Variants in BACH2 observed in about 807,000 individuals in gnomAD.
The protein encoded by BACH2 is transcription regulator protein BACH2.
In BACH2, 5 loss-of-function variants were observed where a neutral mutation model predicts 61.8. That is an observed-to-expected ratio of 0.08 (90% CI 0.04 to 0.17). The LOEUF is 0.17. Ranked by LOEUF, BACH2 falls within the 10% of genes least tolerant of loss-of-function variation. BACH2 has a pLI of 1.00. For synonymous variants in BACH2, 446 were observed against 440.1 expected (o/e 1.01, Z -0.17); for missense variants, 824 against 1,091.1 (o/e 0.76, Z 3.45).
At chr6:90,149,633 G>A (rs1784742685) in intron 4 of BACH2, among the ~76,000 whole-genome samples, 1 of 152,190 alleles carries the variant, frequency 6.6e-6, no homozygotes, top group African/African-American at 2.4e-5. Context: ...GAACTGGAAA[G>A]GCCAGCTCCC....
At chr6:89,963,812 TTCC>T (rs1774887790) in intron 6 of BACH2, among the ~76,000 whole-genome samples, 1 of 152,162 alleles carries the variant, frequency 6.6e-6, no homozygotes, top group Admixed American at 6.5e-5. Flanking sequence ...CAACCCAAAT[TTCC>T]ATTCATGAGT....
chr6:90,100,574 C>T (rs1203030352), intron 4 of BACH2, among the ~76,000 whole-genome samples: 1 of 152,104 alleles, frequency 6.6e-6, no homozygotes, highest in Admixed American at 6.5e-5. Context: ...AACATCGATG[C>T]TTCTCTGGGT....
rs187526955 is a variant in BACH2, at chr6:90,266,003, A to C, written c.-353+5846T>G. 1.9e-3 allele frequency among the ~76,000 whole-genome samples: 288 copies of C among 152,310 alleles called. 8 individuals are homozygous for C. In the South Asian group the frequency reaches 0.034, roughly 18 times the overall value. On this transcript the variant is annotated intron_variant, in intron 2 of 8. Coordinates refer to ENST00000257749, the MANE Select transcript of BACH2 (RefSeq NM_021813.4). ...AACTGAGAGATACATAACTGGACTA[A>C]GGCTGCAGAGATGGGAAATGAGCCT...
intron 3 of BACH2, among the ~76,000 whole-genome samples, chr6:90,228,632 T>C (rs1769991746): frequency 6.6e-6 from 1 of 152,012 alleles, no homozygotes; most frequent in African/African-American, 2.4e-5. Flanking sequence ...CAAGCTATTC[T>C]GGAGGCTGAG....
intron 5 of BACH2, among the ~76,000 whole-genome samples, chr6:90,088,437 G>A (rs1424339717): frequency 6.6e-6 from 1 of 152,104 alleles, no homozygotes; most frequent in Non-Finnish European, 1.5e-5. Flanking sequence ...GGCATCAACT[G>A]GGCTGGACTT....
chr6:90,259,738 A>ATC (rs1480859971), intron 2 of BACH2, among the ~76,000 whole-genome samples: 7 of 152,042 alleles, frequency 4.6e-5, no homozygotes, highest in Non-Finnish European at 5.9e-5. Context: ...TACTTCTCCA[A>ATC]TCTATTTGTG....
chr6:90,075,823 C>T (rs1781450265), intron 5 of BACH2, among the ~76,000 whole-genome samples: 1 of 152,140 alleles, frequency 6.6e-6, no homozygotes, highest in Non-Finnish European at 1.5e-5. Context: ...TCTATCCATT[C>T]AGGAGAAGAC....
chr6:90,200,185 A>G (rs1487773582), intron 4 of BACH2, among the ~76,000 whole-genome samples: 2 of 152,188 alleles, frequency 1.3e-5, no homozygotes, highest in South Asian at 2.1e-4. Flanking sequence ...GGTAAATTGT[A>G]TCTTAGTATT....
At chr6:90,131,641 C>G (rs1784085032) in intron 4 of BACH2, among the ~76,000 whole-genome samples, 2 of 152,156 alleles carry the variant, frequency 1.3e-5, no homozygotes, top group South Asian at 4.1e-4. Context: ...CTTCAAATAC[C>G]ACATTTATGT....
intron 1 of BACH2, 78 bp from the exon 2 acceptor site, chr6:90,272,019 ACTTC>A (rs2127881724): frequency 6.6e-6 from 1 of 152,408 alleles, no homozygotes; most frequent in East Asian, 1.9e-4. Context: ...CTGTTAACCA[ACTTC>A]CTTCTCTGCT....
intron 1 of BACH2, among the ~76,000 whole-genome samples, chr6:90,275,741 CA>C (rs770861181): frequency 1.3e-5 from 2 of 152,044 alleles, no homozygotes; most frequent in African/African-American, 2.4e-5. Flanking sequence ...TTTGGGAGGC[CA>C]AGGCGGCCTG....
At chr6:90,029,761 T>C (rs920781699) in intron 5 of BACH2, among the ~76,000 whole-genome samples, 3 of 152,158 alleles carry the variant, frequency 2.0e-5, no homozygotes, top group Non-Finnish European at 4.4e-5. Flanking sequence ...TTCACACATA[T>C]CCCTACGCTC....
Position 89,950,853 on chromosome 6 carries a change from G to T in BACH2, c.1253C>A (p.Ala418Asp), listed in dbSNP as rs1774047601. The T allele has an allele frequency of 6.2e-7, 1 of 1,613,006 alleles. No homozygotes were observed. Among genetic ancestry groups the T allele is most frequent in the South Asian group, 1.1e-5 (1 of 91,064 alleles). Residue 418 changes from alanine to aspartate, a missense_variant, in exon 7 of 9, where the codon GCT (alanine) becomes GAT (aspartate). Around this residue, in one of 8 missense-constraint regions of BACH2, gnomAD observed 226 missense variants for 228.5 expected, o/e 0.99. Transcript: ENST00000257749. This position sits in a 1 kb window ranked among gnomAD's most constrained non-coding sequence, Gnocchi z 5.3. ...CAGCTCTCCCTCCTGTTTACAGAGA[G>T]CCTCCAACCCAGGCCCCCTGAGGGG... The part of the protein sequence containing the change: ...GSPLRGPGLE[A>D]LCKQEGELDR...
intron 2 of BACH2, among the ~76,000 whole-genome samples, chr6:90,254,364 G>A (rs1231296544): frequency 6.6e-6 from 1 of 151,928 alleles, no homozygotes; most frequent in Non-Finnish European, 1.5e-5. Context: ...TTTTTAAAAT[G>A]GGTATATTAA....
At chr6:90,027,745 G>A (rs555154841) in intron 5 of BACH2, among the ~76,000 whole-genome samples, 16 of 152,290 alleles carry the variant, frequency 1.1e-4, no homozygotes, top group African/African-American at 3.8e-4. Flanking sequence ...TTGTTAGACT[G>A]TGTAATCCTT....
rs533910460 is a variant in BACH2 at position 90,199,613 on chromosome 6, C to T, written c.-162+6956G>A. Among the ~76,000 whole-genome samples the T allele has an allele frequency of 1.1e-4, 16 of 152,272 alleles. No individual in the cohort carries two copies. The South Asian group carries it at 1.2e-3, about 12-fold the overall frequency. On this transcript the variant is annotated intron_variant, in intron 4 of 8. Transcript: ENST00000257749. ...GTGCTATTTTCTTCCGGAAACTTCA[C>T]AGAATTTCCCAGTACAAGGCAGGTG...
chr6:89,995,078 T>A (rs1363937378), intron 6 of BACH2, among the ~76,000 whole-genome samples: 1 of 152,238 alleles, frequency 6.6e-6, no homozygotes, highest in African/African-American at 2.4e-5. Context: ...CCTTTATAAC[T>A]GGTTTGTGTA....
intron 4 of BACH2, among the ~76,000 whole-genome samples, chr6:90,181,257 C>T (rs1159267268): frequency 6.6e-6 from 1 of 152,078 alleles, no homozygotes; most frequent in Non-Finnish European, 1.5e-5. Flanking sequence ...TGCATTAACA[C>T]TTTGAGAACA....
intron 5 of BACH2, among the ~76,000 whole-genome samples, chr6:90,018,280 C>T (rs1332595098): frequency 6.6e-6 from 1 of 152,226 alleles, no homozygotes; most frequent in African/African-American, 2.4e-5. Flanking sequence ...CTGCAGCTCT[C>T]TCTTCTCTGC....
Sources: allele counts gnomAD v4.1 joint callset (sites outside exome capture counted in the v4.1 genomes callset), GRCh38; gene constraint gnomAD v4.1.1; regional missense constraint gnomAD v4.1.1; non-coding constraint Gnocchi (gnomAD v3.1); transcripts MANE v1.5; gene names NCBI Gene and HGNC (gene_info 2026-07-23, HGNC 2026-07-21).